Variants in SPOCK1 observed in about 807,000 individuals in gnomAD.
SPOCK1 encodes SPARC (osteonectin), cwcv and kazal like domains proteoglycan 1, also known as testican-1.
SPOCK1 carries 23 observed loss-of-function variants against 55.3 expected under a neutral mutation model. The ratio of observed to expected loss-of-function variants is 0.42; its 90% CI spans 0.30 to 0.59. The LOEUF (loss-of-function observed/expected upper bound fraction) is 0.59, where lower values mean the gene tolerates loss of function less well. SPOCK1 is among the 20% of genes least tolerant of loss of function. The pLI is 0.22. For synonymous variants in SPOCK1, 226 were observed against 221.0 expected (o/e 1.02, Z -0.20); for missense variants, 499 against 552.5 (o/e 0.90, Z 0.97).
chr5:137,238,838 T>G (rs1388730405), intron 3 of SPOCK1, among the ~76,000 whole-genome samples: 1 of 152,254 alleles, frequency 6.6e-6, no homozygotes, highest in Admixed American at 6.5e-5. Context: ...TAGTGAGATA[T>G]ACACTTGATC....
At chr5:136,994,741 G>A (rs375372980) in intron 6 of SPOCK1, among the ~76,000 whole-genome samples, 2 of 151,428 alleles carry the variant, frequency 1.3e-5, no homozygotes, top group African/African-American at 2.4e-5. Flanking sequence ...GGCCAGGTGC[G>A]GTGGTTCACG....
At chr5:137,450,024 T>TAGA (rs1156794142) in intron 2 of SPOCK1, among the ~76,000 whole-genome samples, 3 of 151,366 alleles carry the variant, frequency 2.0e-5, no homozygotes, top group African/African-American at 7.3e-5. Context: ...AAAAACTCTA[T>TAGA]AGAAGAGTGT....
chr5:137,428,304 G>A (rs796902359), intron 2 of SPOCK1, among the ~76,000 whole-genome samples: 10 of 152,314 alleles, frequency 6.6e-5, no homozygotes, highest in African/African-American at 1.9e-4. Context: ...TCTTAAGCAA[G>A]AGGTTTCTGA....
intron 2 of SPOCK1, among the ~76,000 whole-genome samples, chr5:137,425,733 T>C (rs1752594803): frequency 6.6e-6 from 1 of 152,206 alleles, no homozygotes; most frequent in Non-Finnish European, 1.5e-5. Flanking sequence ...TGGTGCATAT[T>C]TTCTTGAGTG....
At chr5:137,102,600 A>G (rs1753291394) in intron 5 of SPOCK1, among the ~76,000 whole-genome samples, 1 of 152,158 alleles carries the variant, frequency 6.6e-6, no homozygotes, top group Admixed American at 6.5e-5. Context: ...GCATTCTGAT[A>G]TTACAACTAG....
At chr5:137,302,661 T>C (rs1757624072) in intron 2 of SPOCK1, among the ~76,000 whole-genome samples, 1 of 152,122 alleles carries the variant, frequency 6.6e-6, no homozygotes, top group African/African-American at 2.4e-5. Flanking sequence ...CTAACCCAAC[T>C]ATATTTCTTC....
chr5:137,487,911 A>T (rs1018725857), intron 2 of SPOCK1, among the ~76,000 whole-genome samples: 10 of 152,244 alleles, frequency 6.6e-5, no homozygotes, highest in African/African-American at 1.7e-4. Context: ...CTGTTGGCAT[A>T]AGGGGAAAAT....
At chr5:137,496,454 C>T (rs908939670) in intron 2 of SPOCK1, among the ~76,000 whole-genome samples, 18 of 152,130 alleles carry the variant, frequency 1.2e-4, no homozygotes, top group African/African-American at 4.3e-4. Context: ...CTTTCCATAA[C>T]CCAAAGATCC....
chr5:137,062,137 T>A (rs960622175), intron 6 of SPOCK1, among the ~76,000 whole-genome samples: 1 of 151,988 alleles, frequency 6.6e-6, no homozygotes, highest in African/African-American at 2.4e-5. Context: ...AAGAATGGAG[T>A]CACTCTGGAG....
intron 3 of SPOCK1, among the ~76,000 whole-genome samples, chr5:137,254,041 T>C (rs900922646): frequency 2.6e-5 from 4 of 152,236 alleles, no homozygotes; most frequent in Admixed American, 1.3e-4. Flanking sequence ...AGTATAATTT[T>C]ATCATTACAA....
At chr5:137,167,007 A>T (rs190752642) in intron 3 of SPOCK1, among the ~76,000 whole-genome samples, 2 of 152,084 alleles carry the variant, frequency 1.3e-5, no homozygotes, top group African/African-American at 4.8e-5. Context: ...AAACTCTCCA[A>T]TGAAAAGTCA....
chr5:137,336,701 A>G (rs1750288367), intron 2 of SPOCK1, among the ~76,000 whole-genome samples: 1 of 152,188 alleles, frequency 6.6e-6, no homozygotes, highest in Non-Finnish European at 1.5e-5. Flanking sequence ...TGCTCCTTCT[A>G]GCCTGAATGA....
At chr5:137,336,838 A>G (rs1683732580) in intron 2 of SPOCK1, among the ~76,000 whole-genome samples, 2 of 152,202 alleles carry the variant, frequency 1.3e-5, no homozygotes, top group Non-Finnish European at 2.9e-5. Flanking sequence ...AGCCAGAGGA[A>G]TTAAACATTT....
chr5:137,469,161 A>G (rs1753681461), intron 2 of SPOCK1, among the ~76,000 whole-genome samples: 1 of 152,216 alleles, frequency 6.6e-6, no homozygotes, highest in East Asian at 1.9e-4. Context: ...TCAGTCAATT[A>G]ACAAGTCATT....
At chr5:137,398,138 A>G (rs1751896316) in intron 2 of SPOCK1, among the ~76,000 whole-genome samples, 1 of 151,852 alleles carries the variant, frequency 6.6e-6, no homozygotes, top group African/African-American at 2.4e-5. Flanking sequence ...ACTGGCCCAC[A>G]ACACTTCCAT....
chr5:137,299,662 T>C (rs1014803537), intron 2 of SPOCK1, among the ~76,000 whole-genome samples: 5 of 152,098 alleles, frequency 3.3e-5, no homozygotes, highest in African/African-American at 1.2e-4. Context: ...ATAATGCAGA[T>C]TTAAGAGTTG....
chr5:137,257,855 T>A (rs1580833308), intron 3 of SPOCK1, among the ~76,000 whole-genome samples: 1 of 152,184 alleles, frequency 6.6e-6, no homozygotes, highest in East Asian at 1.9e-4. Context: ...ACACATCCTT[T>A]GAGTGATTTT....
chr5:136,988,775 C>A (rs1750893233), intron 7 of SPOCK1, 132 bp from the exon 8 acceptor site: 1 of 718,218 alleles, frequency 1.4e-6, no homozygotes, highest in Non-Finnish European at 2.2e-6. Context: ...TCCTTCCCAG[C>A]ATACAGATTT....
chr5:137,140,407 T>C lies in SPOCK1; in HGVS notation c.347+173A>G, dbSNP rs145311220. 1.4e-4 allele frequency among the ~76,000 whole-genome samples: 21 copies of C among 152,340 alleles called. No homozygotes were observed. The East Asian group carries it at 4.0e-3, about 29-fold the overall frequency. On this transcript the variant is annotated intron_variant, in intron 4 of 10. Coordinates refer to ENST00000394945, the MANE Select transcript of SPOCK1 (RefSeq NM_004598.4). ...TGGACATTCTTTGTAAACCTGTGTT[T>C]GAGAACTGAGATTCCTATCATAGTC...
Sources: allele counts gnomAD v4.1 joint callset (sites outside exome capture counted in the v4.1 genomes callset), GRCh38; gene constraint gnomAD v4.1.1; transcripts MANE v1.5; gene names NCBI Gene and HGNC (gene_info 2026-07-23, HGNC 2026-07-21).